The following RAPGEF5 variants were observed in gnomAD, a reference collection of about 807,000 sequenced individuals.
The protein encoded by RAPGEF5 is Rap guanine nucleotide exchange factor 5.
Under a neutral mutation model 125.2 loss-of-function variants are expected in RAPGEF5, and 65 were observed. The observed-to-expected ratio is 0.52, with a 90% CI of 0.43 to 0.64. The LOEUF is 0.64. RAPGEF5 is among the 30% of genes least tolerant of loss of function. RAPGEF5 has a pLI of 0.00. For missense variants in RAPGEF5, 958 were observed against 1,048.1 expected (o/e 0.91, Z 1.19); for synonymous variants, 391 against 385.9 (o/e 1.01, Z -0.16).
chr7:22,300,874 T>C (rs1364027147), intron 5 of RAPGEF5, among the ~76,000 whole-genome samples: 1 of 152,192 alleles, frequency 6.6e-6, no homozygotes, highest in Non-Finnish European at 1.5e-5. Context: ...CATCACACTC[T>C]TCAAAACTAC....
intron 9 of RAPGEF5, among the ~76,000 whole-genome samples, chr7:22,217,165 G>A (rs1785657609): frequency 6.6e-6 from 1 of 152,210 alleles, no homozygotes; most frequent in Non-Finnish European, 1.5e-5. Flanking sequence ...GCCCAGGAAT[G>A]GTGGATGAAG....
chr7:22,264,569 C>G (rs1461050622), intron 7 of RAPGEF5, among the ~76,000 whole-genome samples: 1 of 152,136 alleles, frequency 6.6e-6, no homozygotes, highest in Non-Finnish European at 1.5e-5. Flanking sequence ...GCAAAGCTAC[C>G]TCTCTCAGCC....
chr7:22,184,516 T>C (rs1248215607), intron 11 of RAPGEF5, among the ~76,000 whole-genome samples: 2 of 152,222 alleles, frequency 1.3e-5, no homozygotes, highest in African/African-American at 2.4e-5. Flanking sequence ...CAATGATCCA[T>C]TCTCATTCTA....
At chr7:22,339,810 C>A (rs1784092591) in intron 1 of RAPGEF5, among the ~76,000 whole-genome samples, 2 of 152,156 alleles carry the variant, frequency 1.3e-5, no homozygotes, top group South Asian at 2.1e-4. Context: ...CTGAGCAATA[C>A]CTTCTCATAT....
intron 11 of RAPGEF5, among the ~76,000 whole-genome samples, chr7:22,190,942 C>T (rs180864699): frequency 3.9e-5 from 6 of 152,280 alleles, no homozygotes; most frequent in Admixed American, 6.5e-5. Context: ...GCTCCATCTC[C>T]GTAAAAGGGG....
At chr7:22,173,919 A>G (rs1784428004) in intron 11 of RAPGEF5, among the ~76,000 whole-genome samples, 2 of 152,174 alleles carry the variant, frequency 1.3e-5, no homozygotes, top group Non-Finnish European at 2.9e-5. Context: ...GCGTCTGCCA[A>G]GTATGCTGGG....
At chr7:22,340,387 A>C (rs911693854) in intron 1 of RAPGEF5, among the ~76,000 whole-genome samples, 2 of 152,354 alleles carry the variant, frequency 1.3e-5, no homozygotes, top group African/African-American at 2.4e-5. Flanking sequence ...TAAGGAGATG[A>C]ATCTTCACAA....
Position 22,156,797 on chromosome 7 carries a change from A to G in RAPGEF5, c.1636+13T>C. On this transcript the variant is annotated intron_variant, in intron 16 of 25. Transcript: ENST00000665637. ...CTGCCCACCCCCAAACCCTCACTTCAAACCATACTCACTTTCCTCCGTTTC... is the reference window on the plus strand; with the variant it reads ...CTGCCCACCCCCAAACCCTCACTTCGAACCATACTCACTTTCCTCCGTTTC... 3 of 1,613,782 alleles carry G rather than the reference A, an allele frequency of 1.9e-6. No individual in the cohort carries two copies. The highest frequency in any genetic ancestry group is 2.5e-6 in the Non-Finnish European group (3 of 1,179,790).
chr7:22,334,547 C>CAT (rs1307173881), intron 1 of RAPGEF5, among the ~76,000 whole-genome samples: 1 of 152,150 alleles, frequency 6.6e-6, no homozygotes, highest in East Asian at 1.9e-4. Flanking sequence ...GAGATTGTGG[C>CAT]ATAGAAGGAA....
intron 8 of RAPGEF5, among the ~76,000 whole-genome samples, chr7:22,225,030 C>T (rs189641947): frequency 9.9e-5 from 15 of 152,240 alleles, no homozygotes; most frequent in African/African-American, 1.2e-4. Flanking sequence ...CAGTGGCACA[C>T]GCTTATAATC....
chr7:22,337,291 G>C (rs1784045188), intron 1 of RAPGEF5, among the ~76,000 whole-genome samples: 1 of 152,154 alleles, frequency 6.6e-6, no homozygotes, highest in African/African-American at 2.4e-5. Flanking sequence ...TCTGGCTGGG[G>C]ATAACAGGAC....
At chr7:22,241,837 A>G (rs1243302434) in intron 7 of RAPGEF5, among the ~76,000 whole-genome samples, 1 of 152,194 alleles carries the variant, frequency 6.6e-6, no homozygotes, top group Non-Finnish European at 1.5e-5. Flanking sequence ...TCCAACACCC[A>G]AAGCAGAACT....
intron 9 of RAPGEF5, chr7:22,194,625 T>C (rs1319506591): frequency 1.7e-5 from 17 of 985,016 alleles, no homozygotes; most frequent in Non-Finnish European, 2.0e-5. Context: ...AAATTTATAA[T>C]GTACTAGTTT....
chr7:22,309,837 A>C, intron 4 of RAPGEF5, 132 bp downstream of exon 4: 1 of 1,068,916 alleles, frequency 9.4e-7, no homozygotes, highest in Non-Finnish European at 1.3e-6. Context: ...TTAGAAAATA[A>C]GAGAGAATAC....
intron 1 of RAPGEF5, among the ~76,000 whole-genome samples, chr7:22,355,005 G>C (rs746936621): frequency 3.9e-5 from 6 of 152,146 alleles, no homozygotes; most frequent in Non-Finnish European, 7.3e-5. Flanking sequence ...AATCACAAAG[G>C]TAGTTCCAAG....
intron 1 of RAPGEF5, among the ~76,000 whole-genome samples, chr7:22,323,818 C>T (rs62447096): frequency 0.32 from 48,967 of 151,924 alleles, 8,012 homozygotes; most frequent in Non-Finnish European, 0.35. Flanking sequence ...CTGATACAAG[C>T]AATTGAATAA....
chr7:22,193,902 G>C lies in RAPGEF5; in HGVS notation c.1115+13C>G, dbSNP rs1244013522. ...GGGAGCGCGTGCCTCTGTGGCTGCAGGGAAACTCTCACCTCCAATGGCTCT... is the reference window on the plus strand; with the variant it reads ...GGGAGCGCGTGCCTCTGTGGCTGCACGGAAACTCTCACCTCCAATGGCTCT... On this transcript the variant is annotated intron_variant, in intron 10 of 25. Transcript: ENST00000665637. 1 of 1,613,232 alleles carries C rather than the reference G, an allele frequency of 6.2e-7. No homozygotes were observed. The highest frequency in any genetic ancestry group is 1.1e-5 in the South Asian group (1 of 90,986).
chr7:22,316,798 G>A (rs1313156581), intron 2 of RAPGEF5, among the ~76,000 whole-genome samples: 3 of 151,360 alleles, frequency 2.0e-5, no homozygotes, highest in African/African-American at 4.9e-5. Flanking sequence ...GCACCTGGCC[G>A]AAAAATTTGA....
chr7:22,267,109 G>C, intron 6 of RAPGEF5, 97 bp from the exon 7 acceptor site: 1 of 1,204,308 alleles, frequency 8.3e-7, no homozygotes, highest in Non-Finnish European at 1.2e-6. Context: ...CAAATTCAGA[G>C]CTGTTTCAAT....
Sources: gnomAD v4.1 joint callset for allele counts (sites outside exome capture counted in the v4.1 genomes callset) on GRCh38, gnomAD v4.1.1 for gene constraint, MANE v1.5 for transcripts, NCBI Gene and HGNC (gene_info 2026-07-23, HGNC 2026-07-21) for gene names.